Variants in ANK1 observed in about 807,000 individuals in gnomAD.
The protein encoded by ANK1 is ankyrin-1.
Under a neutral mutation model 210.4 loss-of-function variants are expected in ANK1, and 51 were observed. The ratio of observed to expected loss-of-function variants is 0.24; its 90% CI spans 0.19 to 0.31. The LOEUF is 0.31. ANK1 is among the 10% of genes least tolerant of loss of function. ANK1 has a pLI of 1.00. For synonymous variants in ANK1, 967 were observed against 1,025.9 expected (o/e 0.94, Z 1.10); for missense variants, 2,051 against 2,504.4 (o/e 0.82, Z 3.86).
At chr8:41,799,319 G>A (rs1302621490), upstream of ANK1, among the ~76,000 whole-genome samples, 1 of 152,172 alleles carries the variant, frequency 6.6e-6, no homozygotes, top group Non-Finnish European at 1.5e-5. Context: ...TCACTCATGA[G>A]GGGGCAGCGT....
chr8:41,688,538 A>G lies in ANK1; in HGVS notation c.4156T>C (p.Tyr1386His), dbSNP rs201439151. The change falls in exon 34 of 43, where the codon TAC (tyrosine) becomes CAC (histidine). Residue 1386 changes from tyrosine (Y) to histidine (H), a missense_variant. Physicochemically the swap from Tyr to His is moderately conservative, Grantham distance 83. Transcript: ENST00000289734. Reference protein sequence around the residue: ...RRTPTPLALRYSILSESTPGS... With the variant: ...RRTPTPLALRHSILSESTPGS... ...GGTGTGGACTCACTGAGAATGCTGTATCGCAGGGCCAGGGGCGTCGGGGTC... is the reference window on the plus strand; with the variant it reads ...GGTGTGGACTCACTGAGAATGCTGTGTCGCAGGGCCAGGGGCGTCGGGGTC... 3.1e-4 allele frequency: 505 copies of G among 1,614,218 alleles called. 1 individual carries two copies. Among genetic ancestry groups the G allele is most frequent in the Non-Finnish European group, 3.1e-4 (371 of 1,180,026 alleles).
At chr8:41,713,588 A>G (rs1169522904) in intron 16 of ANK1, among the ~76,000 whole-genome samples, 2 of 152,206 alleles carry the variant, frequency 1.3e-5, no homozygotes, top group Non-Finnish European at 2.9e-5. Flanking sequence ...TAAAAGTCTG[A>G]TCTCAGAGAC....
upstream of ANK1, among the ~76,000 whole-genome samples, chr8:41,798,399 G>A (rs1849230505): frequency 1.3e-5 from 2 of 152,128 alleles, no homozygotes; most frequent in Non-Finnish European, 2.9e-5. Flanking sequence ...CGCAAACAGC[G>A]GCTAGGAGGG....
intron 1 of ANK1, among the ~76,000 whole-genome samples, chr8:41,886,756 G>A (rs1222900554): frequency 2.0e-5 from 3 of 152,210 alleles, no homozygotes; most frequent in African/African-American, 7.2e-5. Flanking sequence ...CAGCTAGGGA[G>A]TAGATTCAGG....
chr8:41,739,521 C>T (rs922494989), intron 2 of ANK1, among the ~76,000 whole-genome samples: 8 of 116,102 alleles, frequency 6.9e-5, no homozygotes, highest in African/African-American at 1.9e-4. Flanking sequence ...TTTTTTCTTT[C>T]TTTTTTTTTT....
In ANK1 at chr8:41,715,824, G is replaced by A. The variant is rs1425658146; in HGVS notation, c.1430C>T (p.Ala477Val). The A allele has an allele frequency of 1.2e-6, 2 of 1,614,104 alleles. No homozygotes were observed. Among genetic ancestry groups the A allele is most frequent in the Non-Finnish European group, 1.7e-6 (2 of 1,180,048 alleles). Residue 477 changes from alanine to valine, a missense_variant, in exon 14 of 43, where the codon GCA (alanine) becomes GTA (valine). By Grantham distance (64) the Ala-to-Val change is moderately conservative. Coordinates refer to ENST00000289734, the MANE Select transcript of ANK1 (RefSeq NM_000037.4). ...CATGTTTGTGTGGCCGATGCGAGCT[G>A]CACAGTGAAGTGGGGTCTGGTCATC... ...AKDDQTPLHC[A>V]ARIGHTNMVK...
At chr8:41,830,092 G>A (rs932933599) in intron 1 of ANK1, among the ~76,000 whole-genome samples, 5 of 151,362 alleles carry the variant, frequency 3.3e-5, no homozygotes, top group Non-Finnish European at 5.9e-5. Context: ...ATCTAATGTT[G>A]AGCCTGCAGT....
At chr8:41,708,652 G>A in intron 17 of ANK1, 126 bp downstream of exon 17, 5 of 1,043,818 alleles carry the variant, frequency 4.8e-6, no homozygotes, top group Non-Finnish European at 7.4e-6. Context: ...ATGTACGCAG[G>A]GCTGTTCCAA....
intron 1 of ANK1, among the ~76,000 whole-genome samples, chr8:41,795,194 G>A (rs1563790376): frequency 6.6e-6 from 1 of 152,164 alleles, no homozygotes; most frequent in Admixed American, 6.5e-5. Flanking sequence ...ACCATTTTGG[G>A]GTGAGAGGTG....
chr8:41,774,796 G>A (rs922466908), intron 1 of ANK1, among the ~76,000 whole-genome samples: 1 of 152,246 alleles, frequency 6.6e-6, no homozygotes, highest in Admixed American at 6.5e-5. Flanking sequence ...ACTGCGCAAG[G>A]AATGGGCTGC....
intron 1 of ANK1, among the ~76,000 whole-genome samples, chr8:41,758,737 C>T (rs1014663824): frequency 6.6e-6 from 1 of 152,176 alleles, no homozygotes; most frequent in African/African-American, 2.4e-5. Flanking sequence ...GCGCACAGCA[C>T]AGCCTGGTGT....
chr8:41,787,699 C>A (rs1846702486), intron 1 of ANK1, among the ~76,000 whole-genome samples: 1 of 152,184 alleles, frequency 6.6e-6, no homozygotes, highest in Non-Finnish European at 1.5e-5. Context: ...TGCTGGCCTG[C>A]ACCTGTAGTC....
intron 1 of ANK1, among the ~76,000 whole-genome samples, chr8:41,837,426 G>T (rs1807979323): frequency 6.6e-6 from 1 of 152,152 alleles, no homozygotes; most frequent in East Asian, 1.9e-4. Flanking sequence ...TGACACATGG[G>T]CTTCCTAGTC....
At chr8:41,710,130 C>T (rs1001718728) in intron 16 of ANK1, among the ~76,000 whole-genome samples, 4 of 136,780 alleles carry the variant, frequency 2.9e-5, no homozygotes, top group African/African-American at 5.4e-5. Flanking sequence ...AAGGAAGCAG[C>T]GCATGGGTTT....
intron 1 of ANK1, among the ~76,000 whole-genome samples, chr8:41,775,780 G>A (rs1012724124): frequency 6.6e-5 from 10 of 152,190 alleles, no homozygotes; most frequent in Admixed American, 2.6e-4. Context: ...CCAGCTACCC[G>A]GGAGGCTGAG....
At chr8:41,838,355 G>A (rs1241199036) in intron 1 of ANK1, among the ~76,000 whole-genome samples, 2 of 152,162 alleles carry the variant, frequency 1.3e-5, no homozygotes, top group African/African-American at 4.8e-5. Context: ...AACCTGGATG[G>A]CCAGGAGCCC....
At position 41,695,189 on chromosome 8, in the gene ANK1, C is replaced by T. The variant is rs1001950900; in HGVS notation, c.3103G>A (p.Gly1035Arg). The T allele has an allele frequency of 5.0e-6, 8 of 1,614,070 alleles. No homozygotes were observed. Among genetic ancestry groups the T allele is most frequent in the African/African-American group, 1.3e-5 (1 of 74,932 alleles). ...CCCCCGCCCCTACCTTCGTCCATCC[C>T]GTTGAGGATCTGATCCAGGTAGCTC... The part of the protein sequence containing the change: ...GESYLDQILN[G>R]MDEELGSLEE... Residue 1035 changes from glycine (G) to arginine (R), a missense_variant, in exon 27 of 43, where the codon GGG (glycine) becomes AGG (arginine). By Grantham distance (125) the Gly-to-Arg change is moderately radical (BLOSUM62 -2). This residue lies in a region of ANK1 where 1,413 missense variants were observed against 1,707.4 expected (regional missense o/e 0.83). Transcript: ENST00000289734.
intron 1 of ANK1, among the ~76,000 whole-genome samples, chr8:41,773,565 G>A (rs1054690819): frequency 6.6e-6 from 1 of 152,130 alleles, no homozygotes; most frequent in Non-Finnish European, 1.5e-5. Context: ...GACTCCTAAC[G>A]AGCTCGTGAG....
intron 1 of ANK1, among the ~76,000 whole-genome samples, chr8:41,891,166 G>A (rs560949710): frequency 7.6e-4 from 116 of 152,322 alleles, no homozygotes; most frequent in African/African-American, 2.6e-3. Flanking sequence ...CAAAGGTGTT[G>A]CCAAAGCAGA....
Sources: gnomAD v4.1 joint callset for allele counts (sites outside exome capture counted in the v4.1 genomes callset) on GRCh38, gnomAD v4.1.1 for gene constraint, gnomAD v4.1.1 regional missense constraint, MANE v1.5 for transcripts, NCBI Gene and HGNC (gene_info 2026-07-23, HGNC 2026-07-21) for gene names.